The following MACROD2 variants were observed in gnomAD, a reference collection of about 807,000 sequenced individuals.
The protein encoded by MACROD2 is ADP-ribose glycohydrolase MACROD2.
Under a neutral mutation model 70.4 loss-of-function variants are expected in MACROD2, and 36 were observed. That is an observed-to-expected ratio of 0.51 (90% CI 0.39 to 0.68). The LOEUF (loss-of-function observed/expected upper bound fraction) is 0.68, where lower values mean the gene tolerates loss of function less well. MACROD2 is among the 30% of genes least tolerant of loss of function. The pLI, the probability that MACROD2 is intolerant of heterozygous loss-of-function variation, is 0.00. For synonymous variants in MACROD2, 172 were observed against 178.8 expected (o/e 0.96, Z 0.30); for missense variants, 496 against 538.4 (o/e 0.92, Z 0.78).
intron 8 of MACROD2, among the ~76,000 whole-genome samples, chr20:15,636,095 AAG>A: frequency 7.0e-6 from 1 of 142,602 alleles, no homozygotes; most frequent in African/African-American, 2.6e-5. Context: ...AAAAAAAAGA[AAG>A]AAAAGAAAAG....
intron 3 of MACROD2, among the ~76,000 whole-genome samples, chr20:14,149,036 T>G (rs1337354365): frequency 6.6e-6 from 1 of 151,992 alleles, no homozygotes; most frequent in African/African-American, 2.4e-5. Context: ...TAGCTCCTGT[T>G]TCAGTCACCA....
intron 3 of MACROD2, among the ~76,000 whole-genome samples, chr20:14,397,763 G>C (rs1200500815): frequency 1.3e-5 from 2 of 152,006 alleles, no homozygotes; most frequent in African/African-American, 4.8e-5. Flanking sequence ...CTCTCTTCTA[G>C]ATTTATAATA....
intron 5 of MACROD2, among the ~76,000 whole-genome samples, chr20:15,106,260 T>C (rs534172562): frequency 2.0e-5 from 3 of 152,306 alleles, no homozygotes; most frequent in Non-Finnish European, 4.4e-5. Flanking sequence ...TTATATGTGG[T>C]ATTTCAATTT....
intron 3 of MACROD2, among the ~76,000 whole-genome samples, chr20:14,171,652 G>C (rs1360473856): frequency 1.3e-5 from 2 of 152,128 alleles, no homozygotes. Flanking sequence ...ATGGTTTTGA[G>C]TGTTCTTTTT....
chr20:15,016,904 T>C (rs1424565041), intron 5 of MACROD2, among the ~76,000 whole-genome samples: 2 of 152,118 alleles, frequency 1.3e-5, no homozygotes, highest in Non-Finnish European at 2.9e-5. Context: ...TATCTCCTCC[T>C]GGGTCCCTCC....
chr20:15,049,465 TA>T (rs959316549), intron 5 of MACROD2, among the ~76,000 whole-genome samples: 104 of 151,402 alleles, frequency 6.9e-4, no homozygotes, highest in African/African-American at 2.2e-3. Context: ...TCAAGAGAAG[TA>T]AAAAAAAATC....
intron 10 of MACROD2, among the ~76,000 whole-genome samples, chr20:15,895,010 C>G (rs2064948890): frequency 6.6e-6 from 1 of 152,176 alleles, no homozygotes; most frequent in Non-Finnish European, 1.5e-5. Context: ...TAGAGAAACT[C>G]TACCTCACCA....
intron 8 of MACROD2, among the ~76,000 whole-genome samples, chr20:15,651,791 G>A (rs534385818): frequency 7.2e-5 from 11 of 152,190 alleles, no homozygotes; most frequent in Admixed American, 5.2e-4. Flanking sequence ...GTCCCATCTC[G>A]ATCTCTATAA....
chr20:14,466,340 T>A (rs1442429873), intron 3 of MACROD2, among the ~76,000 whole-genome samples: 5 of 152,176 alleles, frequency 3.3e-5, no homozygotes, highest in Admixed American at 2.0e-4. Context: ...TACTGAGGCT[T>A]GTGCTTTTGT....
chr20:14,684,943 T>C lies in MACROD2; in HGVS notation c.402T>C (p.Tyr134=). Residue 134 remains tyrosine (Y), a synonymous_variant, in exon 5 of 18, where the codon TAT becomes TAC. Transcript: ENST00000684519. ...GACATGCAAAAATCACATGTGGCTA[T>C]GACCTTCCTGCAAAATGTGAGTACA... ...DTGHAKITCG[Y]DLPAKYVIHT... The C allele has an allele frequency of 7.4e-6, 12 of 1,613,716 alleles. No homozygotes were observed. Among genetic ancestry groups the C allele is most frequent in the Non-Finnish European group, 1.0e-5 (12 of 1,179,628 alleles).
At chr20:15,573,856 G>A (rs369933638) in intron 8 of MACROD2, among the ~76,000 whole-genome samples, 8 of 151,992 alleles carry the variant, frequency 5.3e-5, no homozygotes, top group African/African-American at 1.9e-4. Context: ...GTATTGACAG[G>A]CATCTGTGAC....
At chr20:14,161,621 G>C (rs958841245) in intron 3 of MACROD2, among the ~76,000 whole-genome samples, 2 of 148,312 alleles carry the variant, frequency 1.3e-5, no homozygotes, top group African/African-American at 5.0e-5. Flanking sequence ...CTGTCGCCCA[G>C]GCTGAAGTGC....
chr20:15,001,974 T>TAC (rs2074999431), intron 5 of MACROD2, among the ~76,000 whole-genome samples: 1 of 144,244 alleles, frequency 6.9e-6, no homozygotes, highest in African/African-American at 2.7e-5. Context: ...CACACACACA[T>TAC]ATACACACAC....
intron 10 of MACROD2, among the ~76,000 whole-genome samples, chr20:15,931,444 C>T (rs1422670837): frequency 1.3e-5 from 2 of 152,012 alleles, no homozygotes; most frequent in Non-Finnish European, 2.9e-5. Context: ...GAGTTCAAAA[C>T]CAGCCTAGGC....
Position 15,829,100 on chromosome 20 carries a change from GATT to G in MACROD2, c.646-33639_646-33637del, listed in dbSNP as rs538803021. On this transcript the variant is annotated intron_variant, in intron 8 of 17. Coordinates refer to ENST00000684519, the MANE Select transcript of MACROD2 (RefSeq NM_001351661.2). ...GAGTAGATTGTTCTGGTATTTATCT[GATT>G]ATTATCGGAAAAAAAAAACTGAAGT... Among the ~76,000 whole-genome samples the G allele has an allele frequency of 5.3e-5, 8 of 149,850 alleles. No individual in the cohort carries two copies. In the South Asian group the frequency reaches 1.7e-3, roughly 32 times the overall value.
intron 5 of MACROD2, among the ~76,000 whole-genome samples, chr20:15,148,458 A>C (rs918478199): frequency 1.3e-5 from 2 of 152,074 alleles, no homozygotes; most frequent in Non-Finnish European, 2.9e-5. Context: ...ATTTACTTTA[A>C]GAGTTAGGAG....
chr20:15,369,853 A>C (rs2045467866), intron 6 of MACROD2, among the ~76,000 whole-genome samples: 1 of 152,174 alleles, frequency 6.6e-6, no homozygotes, highest in Non-Finnish European at 1.5e-5. Context: ...TTCTACAGGA[A>C]TGAAAATAGA....
At chr20:15,019,401 G>C (rs1028480751) in intron 5 of MACROD2, among the ~76,000 whole-genome samples, 1 of 152,104 alleles carries the variant, frequency 6.6e-6, no homozygotes, top group Admixed American at 6.5e-5. Flanking sequence ...GAAGCTGGTG[G>C]GTGGCAGGTT....
At chr20:15,604,650 A>G (rs1404471593) in intron 8 of MACROD2, among the ~76,000 whole-genome samples, 1 of 152,202 alleles carries the variant, frequency 6.6e-6, no homozygotes, top group Non-Finnish European at 1.5e-5. Context: ...CAAGAATGCC[A>G]CAGTGTTCTG....
Sources: gnomAD v4.1 joint callset for allele counts (sites outside exome capture counted in the v4.1 genomes callset) on GRCh38, gnomAD v4.1.1 for gene constraint, MANE v1.5 for transcripts, NCBI Gene and HGNC (gene_info 2026-07-23, HGNC 2026-07-21) for gene names.